The following EFCC1 variants were observed in gnomAD, a reference collection of about 807,000 sequenced individuals.
The protein encoded by EFCC1 is EF-hand and coiled-coil domain-containing protein 1.
EFCC1 carries 50 observed loss-of-function variants against 52.1 expected under a neutral mutation model. The observed-to-expected ratio is 0.96, with a 90% CI of 0.76 to 1.21. EFCC1 has a LOEUF of 1.21. Ranked by LOEUF, EFCC1 falls within the 50% of genes most tolerant of loss-of-function variation. The probability of loss-of-function intolerance (pLI) is 0.00; values close to 1 mark genes in which losing one functional copy is unlikely to be tolerated. For synonymous variants in EFCC1, 399 were observed against 396.5 expected, an observed-to-expected ratio of 1.01 and a Z score of -0.08; for missense variants, 837 against 867.3, an observed-to-expected ratio of 0.97 and a Z score of 0.44.
At chr3:129,036,900 G>C (rs1946360447) in intron 5 of EFCC1, 77 bp from the exon 6 acceptor site, 2 of 1,605,662 alleles carry the variant, frequency 1.2e-6, no homozygotes, top group Non-Finnish European at 8.5e-7. Context: ...GCCTCGGGGA[G>C]ATGGAGTAGT....
At chr3:129,029,688 G>A (rs369465834) in intron 2 of EFCC1, among the ~76,000 whole-genome samples, 3 of 151,362 alleles carry the variant, frequency 2.0e-5, no homozygotes, top group South Asian at 2.1e-4. Flanking sequence ...AGGTTCAAGC[G>A]ATTCTCCTGC....
chr3:129,003,923 C>T lies in EFCC1; in HGVS notation c.826C>T (p.Arg276Cys). The part of the protein sequence containing the change: ...AAEARAGRLR[R>C]GQAEVRRRAE... ...GGAGGCCCGCGCTGGGCGGCTGCGC[C>T]GTGGCCAGGCCGAGGTGCGGCGGCG... is the stretch of plus-strand genomic sequence containing the variant. The change falls in exon 2 of 8, where the codon CGT becomes TGT. Residue 276 changes from arginine to cysteine, a missense_variant. Arg to Cys is a radical substitution (Grantham distance 180, BLOSUM62 -3). Transcript: ENST00000683648. 2.9e-6 allele frequency: 4 copies of T among 1,368,682 alleles called. No individual in the cohort carries two copies. Among genetic ancestry groups the T allele is most frequent in the Middle Eastern group, 2.7e-4 (1 of 3,708 alleles). The allele number at this position is 1,368,682 out of a possible 1,614,324, so 84.8% of individuals were successfully genotyped here.
Position 129,036,998 on chromosome 3 carries a change from G to A in EFCC1, c.1474G>A (p.Glu492Lys). ...CCAGGCAGAGTTGCAGCAGAAGGTGGAAGAGAATGAGCACCTGAGGCTGGA... is the reference window on the plus strand; with the variant it reads ...CCAGGCAGAGTTGCAGCAGAAGGTGAAAGAGAATGAGCACCTGAGGCTGGA... ...EEEAELQQKVEENEHLRLELQ... is the reference protein window; with the variant it reads ...EEEAELQQKVKENEHLRLELQ... Residue 492 changes from glutamate to lysine, a missense_variant, in exon 6 of 8, where the codon GAA becomes AAA. Physicochemically the swap from Glu to Lys is moderately conservative, Grantham distance 56. Transcript: ENST00000683648. 4 of 1,613,964 alleles carry A rather than the reference G, an allele frequency of 2.5e-6. No homozygotes were observed. Among genetic ancestry groups the A allele is most frequent in the Non-Finnish European group, 3.4e-6 (4 of 1,179,984 alleles).
At chr3:129,023,860 A>T (rs996690639) in intron 2 of EFCC1, among the ~76,000 whole-genome samples, 4 of 152,226 alleles carry the variant, frequency 2.6e-5, no homozygotes, top group African/African-American at 7.2e-5. Flanking sequence ...CAAAGCTGAT[A>T]GGAACTGGGA....
At chr3:129,030,516 C>A in intron 2 of EFCC1, 187 bp from the exon 3 acceptor site, 1 of 554,834 alleles carries the variant, frequency 1.8e-6, no homozygotes, top group Non-Finnish European at 2.7e-6. Flanking sequence ...AAACTGGGTT[C>A]CATGCCTGTG....
intron 2 of EFCC1, among the ~76,000 whole-genome samples, chr3:129,025,362 C>A (rs533993588): frequency 6.6e-6 from 1 of 152,038 alleles, no homozygotes; most frequent in Non-Finnish European, 1.5e-5. Context: ...AGCAGTCTCC[C>A]GGAAGCCACG....
chr3:129,011,308 T>C (rs1945316111), intron 2 of EFCC1, among the ~76,000 whole-genome samples: 1 of 152,184 alleles, frequency 6.6e-6, no homozygotes. Flanking sequence ...CCCAACACTT[T>C]GGGAGGCCGA....
chr3:129,033,015 G>GC, intron 4 of EFCC1, 49 bp downstream of exon 4: 1 of 1,451,404 alleles, frequency 6.9e-7, no homozygotes, highest in Non-Finnish European at 9.1e-7. Flanking sequence ...GGCTCCAGAG[G>GC]TGTCTGGGGA....
chr3:129,034,997 C>T (rs911804384), intron 5 of EFCC1, among the ~76,000 whole-genome samples: 1 of 151,928 alleles, frequency 6.6e-6, no homozygotes, highest in Non-Finnish European at 1.5e-5. Flanking sequence ...CATTTCAATA[C>T]GACCACTTCG....
rs1385600710 is a variant in EFCC1, at chr3:129,001,741, A to G, written c.113A>G (p.Tyr38Cys). Residue 38 changes from tyrosine to cysteine, a missense_variant, in exon 1 of 8, where the codon TAC becomes TGC. Tyr to Cys is a radical substitution (Grantham distance 194). Transcript: ENST00000683648. Reference sequence around the variant, plus strand: ...CTGCTGAGCGCCCTGGCGCACCACTACGGGCTGGACCGCGGCGTGGAGAAC... The same window carrying G: ...CTGCTGAGCGCCCTGGCGCACCACTGCGGGCTGGACCGCGGCGTGGAGAAC... Reference protein sequence around the residue: ...QWLLSALAHHYGLDRGVENEI... With the variant: ...QWLLSALAHHCGLDRGVENEI... The G allele has an allele frequency of 2.6e-6, 4 of 1,536,724 alleles. No individual in the cohort carries two copies. In the South Asian group the frequency reaches 4.8e-5, roughly 19 times the overall value.
rs1415877009 is a variant in EFCC1, at chr3:129,003,255, C to T, written c.697-539C>T. 4 of 985,274 alleles carry T rather than the reference C, an allele frequency of 4.1e-6. No homozygotes were observed. In the African/African-American group the frequency reaches 7.0e-5, roughly 17 times the overall value. The allele number at this position is 985,274 out of a possible 1,614,324, so 61.0% of individuals were successfully genotyped here. A position where few individuals can be genotyped will look rare whatever the true frequency, so the allele number is the denominator to read the frequency against. Reference sequence around the variant, plus strand: ...GTAACGTACTGGGAGCCATGGGATGCGCCTGAACGGTCTTCCGGCATCTCT... The same window carrying T: ...GTAACGTACTGGGAGCCATGGGATGTGCCTGAACGGTCTTCCGGCATCTCT... On this transcript the variant is annotated intron_variant, in intron 1 of 7. Transcript: ENST00000683648.
chr3:129,039,792 T>C lies in EFCC1; in HGVS notation c.1744T>C (p.Ser582Pro). ...CTGCCAGCTGTTGCGGAGACAGCCC[T>C]CGGCACCAGCCTCTGCAGCAGCTGC... ...AACQLLRRQP[S>P]APASAAAALT... Residue 582 changes from serine (S) to proline (P), a missense_variant, in exon 8 of 8, where the codon TCG becomes CCG. Transcript: ENST00000683648. 2 of 1,612,434 alleles carry C rather than the reference T, an allele frequency of 1.2e-6. No homozygotes were observed. The highest frequency in any genetic ancestry group is 1.7e-6 in the Non-Finnish European group (2 of 1,179,068).
chr3:129,006,373 A>G (rs768557285), intron 2 of EFCC1, among the ~76,000 whole-genome samples: 1 of 152,106 alleles, frequency 6.6e-6, no homozygotes, highest in African/African-American at 2.4e-5. Context: ...CTGGAGTGCA[A>G]TGGTGCGATC....
intron 6 of EFCC1, among the ~76,000 whole-genome samples, chr3:129,038,039 G>T (rs1946378177): frequency 6.6e-6 from 1 of 150,632 alleles, no homozygotes; most frequent in Admixed American, 6.6e-5. Flanking sequence ...ACTCCAGCCT[G>T]GGTGACAGAG....
intron 5 of EFCC1, 124 bp from the exon 6 acceptor site, chr3:129,036,853 T>C (rs968578780): frequency 7.1e-7 from 1 of 1,408,936 alleles, no homozygotes; most frequent in South Asian, 1.2e-5. Context: ...TGTGTGGCTT[T>C]AGGCCACACA....
chr3:129,019,068 G>A (rs959288369), intron 2 of EFCC1, among the ~76,000 whole-genome samples: 1 of 152,210 alleles, frequency 6.6e-6, no homozygotes, highest in African/African-American at 2.4e-5. Context: ...CCCAGGAGAG[G>A]GGTTGCTGGG....
chr3:129,024,784 C>T (rs1034837328), intron 2 of EFCC1, among the ~76,000 whole-genome samples: 3 of 152,140 alleles, frequency 2.0e-5, no homozygotes, highest in Non-Finnish European at 4.4e-5. Flanking sequence ...TTCAAGGCCC[C>T]ACCTCTCTAC....
At chr3:129,032,675 A>G in intron 3 of EFCC1, 144 bp from the exon 4 acceptor site, 1 of 1,260,336 alleles carries the variant, frequency 7.9e-7, no homozygotes, top group South Asian at 1.5e-5. Flanking sequence ...ACTGCACAGG[A>G]GCCTGGGATG....
At chr3:129,024,347 C>G in intron 2 of EFCC1, among the ~76,000 whole-genome samples, 1 of 152,118 alleles carries the variant, frequency 6.6e-6, no homozygotes, top group Middle Eastern at 3.4e-3. Context: ...GCCTGGCCAA[C>G]ATGGTAAAAC....
Sources: gnomAD v4.1 joint callset for allele counts (sites outside exome capture counted in the v4.1 genomes callset) on GRCh38, gnomAD v4.1.1 for gene constraint, MANE v1.5 for transcripts, NCBI Gene and HGNC (gene_info 2026-07-23, HGNC 2026-07-21) for gene names.